RPS9: variants seen among roughly 807,000 people sequenced by gnomAD.
RPS9 encodes the protein ribosomal protein S9.
Under a neutral mutation model 16.9 loss-of-function variants are expected in RPS9, and 1 was observed. The observed-to-expected ratio is 0.06, with a 90% CI of 0.02 to 0.28. The LOEUF (loss-of-function observed/expected upper bound fraction) is 0.28, where lower values mean the gene tolerates loss of function less well. RPS9 is among the 10% of genes least tolerant of loss of function. RPS9 has a pLI of 1.00. For missense variants in RPS9, 137 were observed against 273.2 expected (o/e 0.50, Z 3.51); for synonymous variants, 106 against 110.9 (o/e 0.96, Z 0.28).
intron 3 of RPS9, chr19:54,202,795 C>A: frequency 1.0e-6 from 1 of 985,380 alleles, no homozygotes; most frequent in Non-Finnish European, 1.2e-6. Flanking sequence ...CCATGTTAGG[C>A]GTTGAGAAAG....
chr19:54,206,301 C>A lies in RPS9; in HGVS notation c.246C>A (p.Val82=), dbSNP rs2077239061. 6.2e-7 allele frequency: 1 copy of A among 1,613,562 alleles called. No individual in the cohort carries two copies. The highest frequency in any genetic ancestry group is 2.2e-5 in the East Asian group (1 of 44,860). Residue 82 remains valine (V), a synonymous_variant, in exon 4 of 5, where the codon GTC becomes GTA. Transcript: ENST00000302907. The part of the protein sequence containing the change: ...FEGNALLRRL[V]RIGVLDEGKM... The stretch of plus-strand genomic sequence containing the variant: ...GCAACGCCCTGCTGCGGCGGCTGGT[C>A]CGCATTGGGGTGCTGGATGAGGGCA...
chr19:54,204,038 T>C (rs1055031935), intron 3 of RPS9, among the ~76,000 whole-genome samples: 4 of 152,112 alleles, frequency 2.6e-5, no homozygotes, highest in African/African-American at 9.7e-5. Context: ...TACTTAAAGG[T>C]TTTGCCTGTG....
chr19:54,203,100 G>T, intron 3 of RPS9: 14 of 984,436 alleles, frequency 1.4e-5, no homozygotes, highest in Non-Finnish European at 1.7e-5. Flanking sequence ...ATTCATCCCA[G>T]GGTTCTGTGG....
At chr19:54,204,671 C>T (rs1426809611) in intron 3 of RPS9, among the ~76,000 whole-genome samples, 1 of 152,140 alleles carries the variant, frequency 6.6e-6, no homozygotes, top group African/African-American at 2.4e-5. Flanking sequence ...GCCTCAGCCT[C>T]CCAAAATATT....
chr19:54,202,748 C>G, intron 3 of RPS9: 1 of 985,444 alleles, frequency 1.0e-6, no homozygotes. Flanking sequence ...GCAGTCTCTA[C>G]ACCTGAGCCC....
intron 3 of RPS9, chr19:54,203,109 G>C (rs1473281729): frequency 1.0e-6 from 1 of 982,762 alleles, no homozygotes; most frequent in Non-Finnish European, 1.2e-6. Flanking sequence ...AGGGTTCTGT[G>C]GGGAGTGGGC....
In RPS9 at chr19:54,200,872, C is replaced by G. The variant is rs538464712; in HGVS notation, c.-42C>G. ...CGCTTCCGCGCCTCTTTCTCAGTGA[C>G]CGGGTGGTTTGCTTAGGTGAGGTGC... On this transcript the variant is annotated 5_prime_UTR_variant, in exon 1 of 5. Coordinates refer to ENST00000302907, the MANE Select transcript of RPS9 (RefSeq NM_001013.4). 1.8e-6 allele frequency: 2 copies of G among 1,103,766 alleles called. No homozygotes were observed. The highest frequency in any genetic ancestry group is 1.7e-5 in the African/African-American group (1 of 59,574). 68.4% of individuals were successfully genotyped at this position (1,103,766 alleles called of 1,614,324 possible).
chr19:54,204,292 G>A (rs1040621870), intron 3 of RPS9, among the ~76,000 whole-genome samples: 2 of 152,226 alleles, frequency 1.3e-5, no homozygotes, highest in African/African-American at 4.8e-5. Flanking sequence ...AGAATCCCAG[G>A]AGGCGGAGTT....
Position 54,202,933 on chromosome 19 carries a change from A to G in RPS9, c.220+1324A>G, listed in dbSNP as rs906556516. ...GGATGGTTTCCAACTCCTAACCTCA[A>G]GTGATCCATCCACCTCAGCTTTCCA... On this transcript the variant is annotated intron_variant, in intron 3 of 4. Transcript: ENST00000302907. 28 of 971,646 alleles carry G rather than the reference A, an allele frequency of 2.9e-5. No homozygotes were observed. The African/African-American group carries it at 4.6e-4, about 16-fold the overall frequency. 60.2% of individuals were successfully genotyped at this position (971,646 alleles called of 1,614,324 possible). A position where few individuals can be genotyped will look rare whatever the true frequency, so the allele number is the denominator to read the frequency against.
intron 3 of RPS9, among the ~76,000 whole-genome samples, chr19:54,204,821 T>C (rs1272444310): frequency 7.1e-6 from 1 of 141,322 alleles, no homozygotes; most frequent in Non-Finnish European, 1.6e-5. Context: ...GTTTTTGTAT[T>C]TTGATATTCA....
At chr19:54,202,600 C>G (rs1030642912) in intron 3 of RPS9, 75 of 985,200 alleles carry the variant, frequency 7.6e-5, no homozygotes, top group Non-Finnish European at 8.7e-5. Context: ...TCTTAACCAT[C>G]TTGTTTTAAA....
intron 3 of RPS9, 94 bp downstream of exon 3, chr19:54,201,703 G>A (rs2077059027): frequency 1.9e-6 from 3 of 1,557,546 alleles, no homozygotes; most frequent in Non-Finnish European, 2.6e-6. Context: ...TGAGAGTTGT[G>A]TCATTGGATA....
chr19:54,203,426 CTG>C, intron 3 of RPS9: 1 of 502,000 alleles, frequency 2.0e-6, no homozygotes, highest in South Asian at 8.6e-5. Flanking sequence ...TGAGTCTCGT[CTG>C]TTAAGACTGA....
In RPS9 at chr19:54,201,284, G is replaced by C; in HGVS notation, c.97+3G>C. ...CGACCAAGAGCTGAAGCTGATCGGT[G>C]AGTGGCCAAGGCTTCCGGGAAGTGG... is the stretch of plus-strand genomic sequence containing the variant. On this transcript the variant is annotated splice_donor_region_variant and intron_variant, in intron 2 of 4. Coordinates refer to ENST00000302907, the MANE Select transcript of RPS9 (RefSeq NM_001013.4). The C allele has an allele frequency of 6.2e-7, 1 of 1,614,148 alleles. No homozygotes were observed. The highest frequency in any genetic ancestry group is 8.5e-7 in the Non-Finnish European group (1 of 1,180,042).
In RPS9 at chr19:54,206,324, G is replaced by A; in HGVS notation, c.269G>A (p.Gly90Asp). The change falls in exon 4 of 5, where the codon GGC becomes GAC. Residue 90 changes from glycine (G) to aspartate (D), a missense_variant. Physicochemically the swap from Gly to Asp is moderately conservative, Grantham distance 94. This residue lies in a region of RPS9 where 64 missense variants were observed against 164.0 expected (regional missense o/e 0.39). Transcript: ENST00000302907. Reference sequence around the variant, plus strand: ...GTCCGCATTGGGGTGCTGGATGAGGGCAAGATGAAGCTGGATTACATCCTG... The same window carrying A: ...GTCCGCATTGGGGTGCTGGATGAGGACAAGATGAAGCTGGATTACATCCTG... ...RLVRIGVLDE[G>D]KMKLDYILGL... The A allele has an allele frequency of 6.2e-7, 1 of 1,614,136 alleles. No individual in the cohort carries two copies. Among genetic ancestry groups the A allele is most frequent in the Non-Finnish European group, 8.5e-7 (1 of 1,180,048 alleles).
intron 4 of RPS9, chr19:54,206,805 C>T (rs3786631): frequency 0.7 from 893,844 of 1,271,164 alleles, 317,732 homozygotes; most frequent in East Asian, 0.94. Context: ...GTCTCCTGGC[C>T]CGCTTGTGAA....
Position 54,206,323 on chromosome 19 carries a change from G to A in RPS9, c.268G>A (p.Gly90Ser). Residue 90 changes from glycine to serine, a missense_variant, in exon 4 of 5, where the codon GGC becomes AGC. Physicochemically the swap from Gly to Ser is moderately conservative, Grantham distance 56 (BLOSUM62 0). Transcript: ENST00000302907. ...RLVRIGVLDE[G>S]KMKLDYILGL... Reference sequence around the variant, plus strand: ...GGTCCGCATTGGGGTGCTGGATGAGGGCAAGATGAAGCTGGATTACATCCT... The same window carrying A: ...GGTCCGCATTGGGGTGCTGGATGAGAGCAAGATGAAGCTGGATTACATCCT... 1.2e-6 allele frequency: 2 copies of A among 1,614,132 alleles called. No homozygotes were observed. Among genetic ancestry groups the A allele is most frequent in the East Asian group, 2.2e-5 (1 of 44,886 alleles).
At position 54,207,392 on chromosome 19, in the gene RPS9, T is replaced by A. The variant is rs1045147771; in HGVS notation, c.408-6T>A. 7.5e-6 allele frequency: 12 copies of A among 1,607,422 alleles called. No homozygotes were observed. Among genetic ancestry groups the A allele is most frequent in the Admixed American group, 1.7e-5 (1 of 59,572 alleles). ...CCAGTCCACCTCACCTTGTCGCTGC[T>A]TCCAGGGTCCGCAAGCAGGTGGTGA... is the stretch of plus-strand genomic sequence containing the variant. On this transcript the variant is annotated splice_polypyrimidine_tract_variant and splice_region_variant and intron_variant, in intron 4 of 4. Transcript: ENST00000302907.
At chr19:54,202,430 T>C in intron 3 of RPS9, 1 of 985,210 alleles carries the variant, frequency 1.0e-6, no homozygotes, top group Non-Finnish European at 1.2e-6. Flanking sequence ...GTCAAGGACA[T>C]TTAGGTGGTA....
Sources: allele counts gnomAD v4.1 joint callset (sites outside exome capture counted in the v4.1 genomes callset), GRCh38; gene constraint gnomAD v4.1.1; regional missense constraint gnomAD v4.1.1; transcripts MANE v1.5; gene names NCBI Gene and HGNC (gene_info 2026-07-23, HGNC 2026-07-21).